CLCNKB: variants seen among roughly 807,000 people sequenced by gnomAD.
The protein encoded by CLCNKB is chloride voltage-gated channel Kb.
CLCNKB carries 74 observed loss-of-function variants against 83.8 expected under a neutral mutation model. The ratio of observed to expected loss-of-function variants is 0.88; its 90% confidence interval spans 0.73 to 1.07. The LOEUF (loss-of-function observed/expected upper bound fraction) is 1.07, where lower values mean the gene tolerates loss of function less well. Ranked by LOEUF, CLCNKB falls within the 50% of genes least tolerant of loss-of-function variation. The probability of loss-of-function intolerance (pLI) is 0.00; values close to 1 mark genes in which losing one functional copy is unlikely to be tolerated. For missense variants in CLCNKB, 798 were observed against 893.6 expected (o/e 0.89, Z 1.36); for synonymous variants, 358 against 356.6 (o/e 1.00, Z -0.04).
At chr1:16,053,494 C>T in intron 15 of CLCNKB, 145 bp from the exon 16 acceptor site, 1 of 1,168,464 alleles carries the variant, frequency 8.6e-7, no homozygotes, top group African/African-American at 1.5e-5. Context: ...TTCTAGGAGT[C>T]CCTCATTCCA....
At chr1:16,050,812 G>C (rs569936954) in intron 11 of CLCNKB, 63 bp from the exon 12 acceptor site, 1 of 1,606,100 alleles carries the variant, frequency 6.2e-7, no homozygotes, top group South Asian at 1.1e-5. Context: ...CAGGCGGTGC[G>C]GGGGAGGCTG....
rs778739554 is a variant in CLCNKB, at chr1:16,051,096, G to T, written c.1227+48G>T. ...GTGCACAGAGCTGGGACCAGCTCTG[G>T]TGGTGGTGGGGGGTACCTCATCGCA... On this transcript the variant is annotated intron_variant, in intron 12 of 19. Transcript: ENST00000375679. 2.4e-5 allele frequency: 38 copies of T among 1,608,052 alleles called. No individual in the cohort carries two copies. The South Asian group carries it at 4.2e-4, about 18-fold the overall frequency.
intron 3 of CLCNKB, among the ~76,000 whole-genome samples, 185 bp downstream of exon 3, chr1:16,045,871 A>G (rs1570328755): frequency 6.6e-6 from 1 of 152,126 alleles, no homozygotes; most frequent in East Asian, 1.9e-4. Flanking sequence ...TCTGGGCCTC[A>G]GTCATCTCAT....
chr1:16,045,733 C>T, intron 3 of CLCNKB, 47 bp downstream of exon 3: 1 of 1,530,008 alleles, frequency 6.5e-7, no homozygotes, highest in Non-Finnish European at 8.9e-7. Context: ...GGATTCTGAG[C>T]TCTCTCTGGG....
At position 16,050,535 on chromosome 1, in the gene CLCNKB, C is replaced by T; in HGVS notation, c.988C>T (p.Leu330=). The T allele has an allele frequency of 6.2e-7, 1 of 1,614,128 alleles. No homozygotes were observed. The highest frequency in any genetic ancestry group is 8.5e-7 in the Non-Finnish European group (1 of 1,180,004). The change falls in exon 11 of 20, where the codon CTG becomes TTG. Residue 330 remains leucine (L), a synonymous_variant. Coordinates refer to ENST00000375679, the MANE Select transcript of CLCNKB (RefSeq NM_000085.5). ...CCACAGCAAGCCTGTGTACTCCGCT[C>T]TGGCCACCTTGGTTCTCGCCTCCAT... is the stretch of plus-strand genomic sequence containing the variant. ...LATSKPVYSA[L]ATLVLASITY...
Position 16,052,231 on chromosome 1 carries a change from C to T in CLCNKB, c.1442C>T (p.Thr481Ile), listed in dbSNP as rs765388277. 17 of 1,613,146 alleles carry T rather than the reference C, an allele frequency of 1.1e-5. No homozygotes were observed. ...GCCTTCTCAGGGGCTGTGACCCACACCATCTCCACGGCGCTGCTGGCCTTC... is the reference window on the plus strand; with the variant it reads ...GCCTTCTCAGGGGCTGTGACCCACATCATCTCCACGGCGCTGCTGGCCTTC... Reference protein sequence around the residue: ...AAAFSGAVTHTISTALLAFEV... With the variant: ...AAAFSGAVTHIISTALLAFEV... Residue 481 changes from threonine (T) to isoleucine (I), a missense_variant, in exon 15 of 20, where the codon ACC becomes ATC. Thr to Ile is a moderately conservative substitution (Grantham distance 89). Coordinates refer to ENST00000375679, the MANE Select transcript of CLCNKB (RefSeq NM_000085.5).
At position 16,044,564 on chromosome 1, in the gene CLCNKB, C is replaced by T. The variant is rs757836001; in HGVS notation, c.72C>T (p.Pro24=). 16 of 1,605,414 alleles carry T rather than the reference C, an allele frequency of 1.0e-5. No homozygotes were observed. Among genetic ancestry groups the T allele is most frequent in the African/African-American group, 6.7e-5 (5 of 74,878 alleles). Residue 24 remains proline (P), a synonymous_variant, in exon 2 of 20, where the codon CCC becomes CCT. Coordinates refer to ENST00000375679, the MANE Select transcript of CLCNKB (RefSeq NM_000085.5). ...TGACTCTGCAGGAGCTGTGGGGCCC[C>T]TGTCCCCGCATCCGCCGAGGCATCC... is the stretch of plus-strand genomic sequence containing the variant. ...NPVTLQELWG[P]CPRIRRGIRG...
intron 15 of CLCNKB, 151 bp from the exon 16 acceptor site, chr1:16,053,488 A>G (rs902950367): frequency 9.0e-7 from 1 of 1,114,104 alleles, no homozygotes. Flanking sequence ...CGTGGGTTCT[A>G]GGAGTCCCTC....
In CLCNKB at chr1:16,049,876, A is replaced by C. The variant is rs780933188; in HGVS notation, c.928A>C (p.Ile310Leu). Residue 310 changes from isoleucine (I) to leucine (L), a missense_variant, in exon 10 of 20, where the codon ATC (isoleucine) becomes CTC (leucine). Ile to Leu is a conservative substitution (Grantham distance 5). Transcript: ENST00000375679. ...LFCQRIFFGFIRNNRFSSKLL... is the reference protein window; with the variant it reads ...LFCQRIFFGFLRNNRFSSKLL... ...CTGTCAGCGAATCTTCTTTGGCTTCATCAGGAACAATAGGTTCAGCTCCAA... is the reference window on the plus strand; with the variant it reads ...CTGTCAGCGAATCTTCTTTGGCTTCCTCAGGAACAATAGGTTCAGCTCCAA... The C allele has an allele frequency of 3.1e-6, 5 of 1,613,882 alleles. No homozygotes were observed. Among genetic ancestry groups the C allele is most frequent in the Non-Finnish European group, 4.2e-6 (5 of 1,179,928 alleles).
At chr1:16,054,165 A>T (rs955997860) in intron 16 of CLCNKB, among the ~76,000 whole-genome samples, 16 of 152,166 alleles carry the variant, frequency 1.1e-4, no homozygotes, top group Non-Finnish European at 2.4e-4. Context: ...AGACAAAAGC[A>T]TGGTGGCTCT....
At chr1:16,051,421 T>C (rs2023286375) in intron 12 of CLCNKB, 57 bp from the exon 13 acceptor site, 1 of 1,591,684 alleles carries the variant, frequency 6.3e-7, no homozygotes, top group South Asian at 1.1e-5. Flanking sequence ...TGTCCTCCCT[T>C]GTCCACGCCT....
In CLCNKB at chr1:16,045,677, G is replaced by A. The variant is rs750240299; in HGVS notation, c.220G>A (p.Val74Met). The change falls in exon 3 of 20, where the codon GTG becomes ATG. Residue 74 changes from valine to methionine, a missense_variant. Physicochemically the swap from Val to Met is conservative, Grantham distance 21. Transcript: ENST00000375679. Reference protein sequence around the residue: ...SCAMDLAVESVVRAHQWLYRE... With the variant: ...SCAMDLAVESMVRAHQWLYRE... ...TGCCATGGACTTGGCTGTTGAGAGT[G>A]TGGTCCGAGGTAACCCCTCCATGGC... 2 of 1,612,936 alleles carry A rather than the reference G, an allele frequency of 1.2e-6. No individual in the cohort carries two copies. Among genetic ancestry groups the A allele is most frequent in the South Asian group, 2.2e-5 (2 of 91,080 alleles).
chr1:16,046,718 A>G (rs1184980665), intron 4 of CLCNKB, 55 bp downstream of exon 4: 1 of 1,607,256 alleles, frequency 6.2e-7, no homozygotes, highest in Non-Finnish European at 8.5e-7. Context: ...CTCAGATCCC[A>G]GGGGGGAGTC....
intron 18 of CLCNKB, 27 bp from the exon 19 acceptor site, chr1:16,056,395 C>T: frequency 1.2e-6 from 2 of 1,611,522 alleles, no homozygotes; most frequent in Non-Finnish European, 1.7e-6. Context: ...TTCTACCCTC[C>T]AGTGTTTCCT....
intron 1 of CLCNKB, 104 bp downstream of exon 1, chr1:16,043,984 T>C (rs945393): frequency 0.51 from 73,925 of 146,190 alleles, 18,725 homozygotes; most frequent in East Asian, 0.72. Context: ...TTGGCCCTGG[T>C]GGGATCTTCT....
At chr1:16,044,179 G>T (rs1022720889) in intron 1 of CLCNKB, among the ~76,000 whole-genome samples, 1 of 152,114 alleles carries the variant, frequency 6.6e-6, no homozygotes, top group East Asian at 1.9e-4. Context: ...TGCCACCGAA[G>T]GGGAAGGGGC....
intron 4 of CLCNKB, among the ~76,000 whole-genome samples, chr1:16,047,513 T>A (rs1369113897): frequency 2.0e-5 from 3 of 152,010 alleles, no homozygotes; most frequent in Non-Finnish European, 4.4e-5. Flanking sequence ...CACTGGCTCA[T>A]ACCTATAATC....
chr1:16,048,840 CCTCT>C, intron 7 of CLCNKB: 4 of 1,440,406 alleles, frequency 2.8e-6, no homozygotes, highest in Non-Finnish European at 3.6e-6. Context: ...GGCCCGTTGG[CCTCT>C]CTGAGCCCGG....
At chr1:16,054,767 GC>G (rs2023391486) in intron 16 of CLCNKB, among the ~76,000 whole-genome samples, 1 of 152,008 alleles carries the variant, frequency 6.6e-6, no homozygotes, top group South Asian at 2.1e-4. Flanking sequence ...TACCCTCAGA[GC>G]CACAGCAAAG....
Sources: allele counts gnomAD v4.1 joint callset (sites outside exome capture counted in the v4.1 genomes callset), GRCh38; gene constraint gnomAD v4.1.1; transcripts MANE v1.5; gene names NCBI Gene and HGNC (gene_info 2026-07-23, HGNC 2026-07-21).